ODAD2: variants seen among roughly 807,000 people sequenced by gnomAD.
ODAD2 encodes the protein outer dynein arm docking complex subunit 2, also known as outer dynein arm-docking complex subunit 2.
ODAD2 carries 89 observed loss-of-function variants against 106.8 expected under a neutral mutation model. The ratio of observed to expected loss-of-function variants is 0.83; its 90% CI spans 0.70 to 0.99. ODAD2 has a LOEUF of 0.99. ODAD2 is among the 50% of genes least tolerant of loss of function. The probability of loss-of-function intolerance (pLI) is 0.00; values close to 1 mark genes in which losing one functional copy is unlikely to be tolerated. For synonymous variants in ODAD2, 404 were observed against 436.2 expected (o/e 0.93, Z 0.92); for missense variants, 1,168 against 1,238.5 (o/e 0.94, Z 0.85).
chr10:27,918,173 A>G (rs1844526138), intron 16 of ODAD2, among the ~76,000 whole-genome samples: 1 of 151,972 alleles, frequency 6.6e-6, no homozygotes, highest in Non-Finnish European at 1.5e-5. Flanking sequence ...AACTTGTCCT[A>G]TAGGGCCTGC....
At chr10:27,845,328 A>G (rs1838651046) in intron 19 of ODAD2, among the ~76,000 whole-genome samples, 1 of 152,188 alleles carries the variant, frequency 6.6e-6, no homozygotes, top group Admixed American at 6.5e-5. Context: ...ACTAAGCTTC[A>G]TAAGTGAAGG....
intron 19 of ODAD2, among the ~76,000 whole-genome samples, chr10:27,857,534 A>G (rs566920112): frequency 1.6e-4 from 25 of 152,310 alleles, no homozygotes; most frequent in African/African-American, 5.5e-4. Flanking sequence ...ATCTTTTCTT[A>G]AAGTGTGACT....
rs565606420 is a variant in ODAD2, at chr10:27,995,224, T to C, written c.-38-44A>G. On this transcript the variant is annotated intron_variant, in intron 1 of 19. Coordinates refer to ENST00000305242, the MANE Select transcript of ODAD2 (RefSeq NM_018076.5). ...AGAAAGAGACAACAGCGTCCACCTT[T>C]TCCTTGGAACATTTTTCATTCTCAA... 14 of 1,537,160 alleles carry C rather than the reference T, an allele frequency of 9.1e-6. No individual in the cohort carries two copies. The African/African-American group carries it at 1.4e-4, about 15-fold the overall frequency.
At chr10:27,883,320 C>CA (rs1323615263) in intron 17 of ODAD2, among the ~76,000 whole-genome samples, 1 of 151,774 alleles carries the variant, frequency 6.6e-6, no homozygotes, top group Non-Finnish European at 1.5e-5. Flanking sequence ...TCATGCATGA[C>CA]AAAAAATGCA....
chr10:27,940,947 A>G, intron 12 of ODAD2, 142 bp from the exon 13 acceptor site: 2 of 873,744 alleles, frequency 2.3e-6, no homozygotes, highest in Non-Finnish European at 3.4e-6. Context: ...CGTACTCCAT[A>G]GCAGCCACGG....
intron 19 of ODAD2, among the ~76,000 whole-genome samples, chr10:27,827,866 T>C (rs961684551): frequency 2.0e-4 from 30 of 152,210 alleles, no homozygotes; most frequent in African/African-American, 7.2e-4. Context: ...TCCAGTGATA[T>C]TGTCCCCTTC....
chr10:27,895,851 T>C (rs931494959), intron 17 of ODAD2, among the ~76,000 whole-genome samples: 4 of 152,252 alleles, frequency 2.6e-5, no homozygotes, highest in Non-Finnish European at 4.4e-5. Flanking sequence ...TCTGTCATAT[T>C]CTACTCCTGA....
intron 19 of ODAD2, chr10:27,835,911 A>C (rs1457012589): frequency 6.9e-6 from 1 of 145,840 alleles, no homozygotes; most frequent in Non-Finnish European, 1.5e-5. Context: ...GGGTGACAAG[A>C]GTGAAAATCC....
chr10:27,927,730 CT>C, intron 16 of ODAD2, among the ~76,000 whole-genome samples: 1 of 152,188 alleles, frequency 6.6e-6, no homozygotes, highest in South Asian at 2.1e-4. Context: ...CTATAACTCA[CT>C]CTTCTAGTTC....
intron 19 of ODAD2, among the ~76,000 whole-genome samples, chr10:27,831,902 C>A (rs1183059513): frequency 6.6e-6 from 1 of 152,244 alleles, no homozygotes; most frequent in Non-Finnish European, 1.5e-5. Context: ...ATGCCATATG[C>A]AGTCTGTGAG....
chr10:27,891,130 T>A (rs1241458131), intron 17 of ODAD2, among the ~76,000 whole-genome samples: 6 of 152,198 alleles, frequency 3.9e-5, no homozygotes, highest in Admixed American at 2.0e-4. Context: ...CAGCTGAAGT[T>A]AAACAGAGGG....
chr10:27,976,417 T>C (rs1849190388), intron 7 of ODAD2, among the ~76,000 whole-genome samples: 1 of 152,082 alleles, frequency 6.6e-6, no homozygotes, highest in African/African-American at 2.4e-5. Flanking sequence ...AATTTCAGGA[T>C]ATAAAATCAG....
At chr10:27,882,718 A>G (rs1042832520) in intron 17 of ODAD2, among the ~76,000 whole-genome samples, 1 of 152,126 alleles carries the variant, frequency 6.6e-6, no homozygotes, top group Non-Finnish European at 1.5e-5. Flanking sequence ...CAACCGCGGA[A>G]TCTGGGGAAA....
At chr10:27,961,260 C>T (rs57246433) in intron 10 of ODAD2, among the ~76,000 whole-genome samples, 2,441 of 152,180 alleles carry the variant, frequency 0.016, 49 homozygotes, top group African/African-American at 0.047. Context: ...TTTAAAAATC[C>T]ATGTTATTTC....
intron 17 of ODAD2, among the ~76,000 whole-genome samples, chr10:27,900,715 A>C (rs73604097): frequency 0.16 from 23,629 of 152,148 alleles, 1,947 homozygotes; most frequent in Non-Finnish European, 0.17. Context: ...AGGTTATCAG[A>C]TATTGAAGGT....
At chr10:27,839,864 G>A (rs1378623850) in intron 19 of ODAD2, among the ~76,000 whole-genome samples, 2 of 152,154 alleles carry the variant, frequency 1.3e-5, no homozygotes, top group Non-Finnish European at 2.9e-5. Flanking sequence ...CAGTATAATA[G>A]TACACCTCCT....
In ODAD2 at chr10:27,944,400, C is replaced by T; in HGVS notation, c.1565G>A (p.Ser522Asn). ...IGSLKILKEI[S>N]HNPQIRQNIV... ...ATTCTGTCTGATTTGAGGATTATGA[C>T]TGATTTCCTTCAGTATTTTTAATGA... The change falls in exon 12 of 20, where the codon AGT becomes AAT. Residue 522 changes from serine (S) to asparagine (N), a missense_variant. By Grantham distance (46) the Ser-to-Asn change is conservative. Coordinates refer to ENST00000305242, the MANE Select transcript of ODAD2 (RefSeq NM_018076.5). 1 of 1,613,910 alleles carries T rather than the reference C, an allele frequency of 6.2e-7. No homozygotes were observed. The highest frequency in any genetic ancestry group is 8.5e-7 in the Non-Finnish European group (1 of 1,179,902).
At chr10:27,900,895 A>G (rs1380343651) in intron 17 of ODAD2, among the ~76,000 whole-genome samples, 2 of 152,240 alleles carry the variant, frequency 1.3e-5, no homozygotes, top group East Asian at 1.9e-4. Flanking sequence ...ACTCTGCAGG[A>G]TATTATCCAG....
At chr10:27,939,775 A>T in intron 14 of ODAD2, 122 bp downstream of exon 14, 2 of 489,382 alleles carry the variant, frequency 4.1e-6, no homozygotes, top group Non-Finnish European at 7.1e-6. Flanking sequence ...AAAAAAATCA[A>T]ATAAATAAAT....
Sources: gnomAD v4.1 joint callset for allele counts (sites outside exome capture counted in the v4.1 genomes callset) on GRCh38, gnomAD v4.1.1 for gene constraint, MANE v1.5 for transcripts, NCBI Gene and HGNC (gene_info 2026-07-23, HGNC 2026-07-21) for gene names.